The following FCHSD2 variants were observed in gnomAD, a reference collection of about 807,000 sequenced individuals.
The protein encoded by FCHSD2 is F-BAR and double SH3 domains protein 2.
Under a neutral mutation model 108.1 loss-of-function variants are expected in FCHSD2, and 38 were observed. That is an observed-to-expected ratio of 0.35 (90% CI 0.27 to 0.46). The LOEUF is 0.46. Ranked by LOEUF, FCHSD2 falls within the 20% of genes least tolerant of loss-of-function variation. The pLI is 1.00. For missense variants in FCHSD2, 751 were observed against 897.8 expected (o/e 0.84, Z 2.09); for synonymous variants, 279 against 314.7 (o/e 0.89, Z 1.20).
intron 4 of FCHSD2, among the ~76,000 whole-genome samples, chr11:73,002,162 A>T (rs1857638233): frequency 6.6e-6 from 1 of 152,234 alleles, no homozygotes; most frequent in Non-Finnish European, 1.5e-5. Flanking sequence ...AACAGATGAC[A>T]GTGTAGAAGC....
chr11:72,968,614 C>T (rs1463365906), intron 8 of FCHSD2, among the ~76,000 whole-genome samples: 2 of 152,186 alleles, frequency 1.3e-5, no homozygotes, highest in Non-Finnish European at 2.9e-5. Context: ...TTACAATATC[C>T]ATAAATGGGG....
intron 8 of FCHSD2, among the ~76,000 whole-genome samples, chr11:72,936,722 T>A (rs1449955950): frequency 6.6e-6 from 1 of 152,240 alleles, no homozygotes; most frequent in Non-Finnish European, 1.5e-5. Flanking sequence ...ATAGTATATC[T>A]TTACTTCAGT....
chr11:73,044,442 T>G (rs889797166), intron 3 of FCHSD2, among the ~76,000 whole-genome samples: 4 of 152,066 alleles, frequency 2.6e-5, no homozygotes, highest in Non-Finnish European at 5.9e-5. Flanking sequence ...TAGATGGGCA[T>G]GGTGGCACAC....
chr11:73,061,532 C>T (rs995870447), intron 3 of FCHSD2, among the ~76,000 whole-genome samples: 2 of 152,206 alleles, frequency 1.3e-5, no homozygotes, highest in East Asian at 3.8e-4. Context: ...CCCACCCCCA[C>T]GGAGCCCAGC....
intron 2 of FCHSD2, among the ~76,000 whole-genome samples, chr11:73,111,939 T>C (rs1860496391): frequency 6.6e-6 from 1 of 152,220 alleles, no homozygotes; most frequent in Non-Finnish European, 1.5e-5. Context: ...ATTTATATCA[T>C]ATTATACTGG....
intron 3 of FCHSD2, among the ~76,000 whole-genome samples, chr11:73,079,363 A>AT (rs981777682): frequency 6.6e-6 from 1 of 151,286 alleles, no homozygotes; most frequent in East Asian, 1.9e-4. Context: ...CGCCTGGCTA[A>AT]TTTTTTTTGT....
At chr11:73,082,820 A>C (rs1301406078) in intron 3 of FCHSD2, among the ~76,000 whole-genome samples, 1 of 152,186 alleles carries the variant, frequency 6.6e-6, no homozygotes, top group African/African-American at 2.4e-5. Context: ...AAAGGGTCAA[A>C]ATTTTCAAAC....
chr11:73,043,660 T>A (rs1350420300), intron 3 of FCHSD2, among the ~76,000 whole-genome samples: 1 of 152,174 alleles, frequency 6.6e-6, no homozygotes, highest in African/African-American at 2.4e-5. Context: ...GGCATATACA[T>A]AGAAGAAATT....
In FCHSD2 at chr11:72,902,711, T is replaced by C. The variant is rs138086578; in HGVS notation, c.829-73A>G. The stretch of plus-strand genomic sequence containing the variant: ...TCCAATTACATTATAAAGTTTAAGA[T>C]TTATTCTGCTATTTTCTATACAAAT... On this transcript the variant is annotated intron_variant, in intron 9 of 19. Coordinates refer to ENST00000409418, the MANE Select transcript of FCHSD2 (RefSeq NM_014824.3). The C allele has an allele frequency of 4.6e-4, 400 of 875,270 alleles. 5 individuals carry two copies. The East Asian group carries it at 0.011, about 24-fold the overall frequency. 54.2% of individuals were successfully genotyped at this position (875,270 alleles called of 1,614,324 possible).
chr11:73,060,434 TA>T (rs972442262), intron 3 of FCHSD2, among the ~76,000 whole-genome samples: 13 of 151,448 alleles, frequency 8.6e-5, no homozygotes, highest in Non-Finnish European at 1.2e-4. Flanking sequence ...AATACCAGGA[TA>T]AAAAAAAAGT....
chr11:73,135,498 T>C (rs955232645), intron 2 of FCHSD2, among the ~76,000 whole-genome samples: 7 of 152,206 alleles, frequency 4.6e-5, no homozygotes, highest in Admixed American at 4.6e-4. Flanking sequence ...CTACTCAACA[T>C]AGCACAGGAT....
chr11:73,137,675 T>C (rs914946212), intron 2 of FCHSD2, among the ~76,000 whole-genome samples: 2 of 152,170 alleles, frequency 1.3e-5, no homozygotes, highest in African/African-American at 2.4e-5. Flanking sequence ...CTTGCAGTTA[T>C]TGGTAATCAA....
chr11:73,036,620 G>A (rs762979113), intron 3 of FCHSD2, among the ~76,000 whole-genome samples: 3 of 152,242 alleles, frequency 2.0e-5, no homozygotes, highest in South Asian at 2.1e-4. Flanking sequence ...ATTATTAAAT[G>A]TAGAATCAAG....
At chr11:72,849,647 T>G in intron 14 of FCHSD2, 108 bp downstream of exon 14, 1 of 872,034 alleles carries the variant, frequency 1.1e-6, no homozygotes. Context: ...AATATTAACC[T>G]AATAACAATT....
chr11:73,008,489 T>A (rs892482419), intron 4 of FCHSD2, among the ~76,000 whole-genome samples: 1 of 152,128 alleles, frequency 6.6e-6, no homozygotes, highest in South Asian at 2.1e-4. Flanking sequence ...GTAACAGAAA[T>A]AAAGACAAGG....
chr11:73,129,100 T>C (rs765254544), intron 2 of FCHSD2, among the ~76,000 whole-genome samples: 1 of 152,128 alleles, frequency 6.6e-6, no homozygotes, highest in Non-Finnish European at 1.5e-5. Flanking sequence ...CTCGATCTCC[T>C]GACTTCTTGA....
chr11:72,958,991 A>ATTGTG (rs879814044), intron 8 of FCHSD2, among the ~76,000 whole-genome samples: 1 of 41,660 alleles, frequency 2.4e-5, no homozygotes, highest in Non-Finnish European at 6.4e-5. Context: ...CATCAGTAAG[A>ATTGTG]TATGTGTGTG....
At chr11:72,841,041 G>T (rs1433579780) in intron 18 of FCHSD2, 82 bp from the exon 19 acceptor site, 10 of 1,045,254 alleles carry the variant, frequency 9.6e-6, no homozygotes, top group Non-Finnish European at 1.5e-5. Context: ...GGTGGCTTGA[G>T]CCTGTAATCC....
intron 13 of FCHSD2, 77 bp downstream of exon 13, chr11:72,867,788 A>AT (rs1329075153): frequency 1.9e-5 from 25 of 1,307,934 alleles, no homozygotes; most frequent in Non-Finnish European, 2.6e-5. Context: ...AATTTTGGCT[A>AT]TTATTAAGTT....
Sources: allele counts gnomAD v4.1 joint callset (sites outside exome capture counted in the v4.1 genomes callset), GRCh38; gene constraint gnomAD v4.1.1; transcripts MANE v1.5; gene names NCBI Gene and HGNC (gene_info 2026-07-23, HGNC 2026-07-21).